Variants in MYRIP observed in about 807,000 individuals in gnomAD.
The protein encoded by MYRIP is rab effector MyRIP.
A neutral mutation model predicts 98.0 loss-of-function variants in MYRIP; 49 were observed. The ratio of observed to expected loss-of-function variants is 0.50; its 90% CI spans 0.40 to 0.63. MYRIP has a LOEUF of 0.63. MYRIP is among the 30% of genes least tolerant of loss of function. The pLI is 0.00. For synonymous variants in MYRIP, 404 were observed against 409.5 expected (o/e 0.99, Z 0.16); for missense variants, 1,004 against 1,058.2 (o/e 0.95, Z 0.71).
rs183589904 is a variant in MYRIP, at chr3:39,958,260, G to A, written c.110+57334G>A. On this transcript the variant is annotated intron_variant, in intron 2 of 16. Transcript: ENST00000302541. ...AAAAGAACAAAGCTGGAGGCATCACGCTACCTGACTTCAAACTATACTACA... is the reference window on the plus strand; with the variant it reads ...AAAAGAACAAAGCTGGAGGCATCACACTACCTGACTTCAAACTATACTACA... 2.0e-4 allele frequency among the ~76,000 whole-genome samples: 30 copies of A among 152,158 alleles called. No individual in the cohort carries two copies. In the South Asian group the frequency reaches 3.7e-3, roughly 19 times the overall value.
intron 3 of MYRIP, among the ~76,000 whole-genome samples, chr3:40,092,427 T>C (rs1948749816): frequency 6.6e-6 from 1 of 152,116 alleles, no homozygotes. Flanking sequence ...CCAGGTGAAC[T>C]TTGTCTTCAC....
intron 2 of MYRIP, among the ~76,000 whole-genome samples, chr3:39,996,891 G>A (rs1378078813): frequency 6.6e-6 from 1 of 152,130 alleles, no homozygotes; most frequent in African/African-American, 2.4e-5. Context: ...ACTCAAAACT[G>A]CTCAACTACA....
rs116229687 is a variant in MYRIP, at chr3:39,894,166, T to C, written c.-30-6621T>C. Among the ~76,000 whole-genome samples the C allele has an allele frequency of 9.2e-3, 1,407 of 152,358 alleles. 27 individuals carry two copies. The highest frequency in any genetic ancestry group is 0.032 in the African/African-American group (1,330 of 41,592). The stretch of plus-strand genomic sequence containing the variant: ...TCATACTATATTATTTTACTTCTTA[T>C]TGAGCCATGACATGCATGTAAATGC... On this transcript the variant is annotated intron_variant, in intron 1 of 16. Transcript: ENST00000302541.
At chr3:40,145,634 T>G (rs1483306408) in intron 3 of MYRIP, among the ~76,000 whole-genome samples, 10 of 152,232 alleles carry the variant, frequency 6.6e-5, no homozygotes, top group Admixed American at 4.6e-4. Context: ...TGTAAATTGG[T>G]GCAAGCTTTC....
intron 3 of MYRIP, among the ~76,000 whole-genome samples, chr3:40,114,683 A>G (rs576032163): frequency 6.6e-6 from 1 of 152,360 alleles, no homozygotes; most frequent in South Asian, 2.1e-4. Flanking sequence ...GTAAATGCAA[A>G]TTAACAAAGT....
rs531869476 is a variant in MYRIP, at chr3:40,155,454, G to A, written c.469+4270G>A. 3.9e-5 allele frequency among the ~76,000 whole-genome samples: 6 copies of A among 152,188 alleles called. No homozygotes were observed. The East Asian group carries it at 1.2e-3, about 29-fold the overall frequency. On this transcript the variant is annotated intron_variant, in intron 4 of 16. Transcript: ENST00000302541. ...GTGAATAATGCCGCACTAAACATAC[G>A]TGTGCATGTGTCTTTATAGCAACAT...
At chr3:40,113,665 T>C (rs532408886) in intron 3 of MYRIP, among the ~76,000 whole-genome samples, 183 of 152,254 alleles carry the variant, frequency 1.2e-3, no homozygotes, top group African/African-American at 4.1e-3. Flanking sequence ...CTTAGAAGAA[T>C]ATATGGGAGA....
chr3:40,258,078 C>G, intron 16 of MYRIP, 56 bp from the exon 17 acceptor site: 9 of 1,591,114 alleles, frequency 5.7e-6, no homozygotes, highest in South Asian at 1.1e-5. Flanking sequence ...TTTTTCATTG[C>G]TTCTTCTCAC....
At chr3:39,994,820 G>A (rs1011174479) in intron 2 of MYRIP, among the ~76,000 whole-genome samples, 1 of 152,108 alleles carries the variant, frequency 6.6e-6, no homozygotes, top group Non-Finnish European at 1.5e-5. Flanking sequence ...CACACGACTG[G>A]GTACTCCTCT....
intron 2 of MYRIP, among the ~76,000 whole-genome samples, chr3:39,998,367 A>T (rs984943545): frequency 6.6e-6 from 1 of 152,222 alleles, no homozygotes; most frequent in African/African-American, 2.4e-5. Flanking sequence ...CAAAAATCAC[A>T]AGCATTCTTA....
chr3:40,082,804 C>T (rs1241990125), intron 3 of MYRIP, among the ~76,000 whole-genome samples: 3 of 152,134 alleles, frequency 2.0e-5, no homozygotes, highest in Admixed American at 6.5e-5. Context: ...TTTTTCATCT[C>T]GATGCTCATG....
At chr3:40,248,312 G>C (rs558790676) in intron 13 of MYRIP, 1 of 152,342 alleles carries the variant, frequency 6.6e-6, no homozygotes, top group Non-Finnish European at 1.5e-5. Context: ...AGTTCCTGGA[G>C]AAAGCTTCTC....
chr3:39,932,281 A>G (rs548503472), intron 2 of MYRIP, among the ~76,000 whole-genome samples: 1 of 152,336 alleles, frequency 6.6e-6, no homozygotes, highest in Non-Finnish European at 1.5e-5. Context: ...TTAAAGCGAC[A>G]TCATAGAAAA....
intron 1 of MYRIP, among the ~76,000 whole-genome samples, chr3:39,866,728 T>C (rs985799954): frequency 2.6e-5 from 4 of 152,170 alleles, no homozygotes; most frequent in African/African-American, 9.7e-5. Context: ...TTGGAAGAAT[T>C]AATGTTGTAA....
intron 1 of MYRIP, among the ~76,000 whole-genome samples, chr3:39,813,548 T>C (rs1157193485): frequency 6.7e-6 from 1 of 148,422 alleles, no homozygotes; most frequent in Non-Finnish European, 1.5e-5. Flanking sequence ...AGTTACACAC[T>C]CTAAGTTTAC....
At chr3:39,972,596 G>A (rs551611991) in intron 2 of MYRIP, among the ~76,000 whole-genome samples, 1 of 151,984 alleles carries the variant, frequency 6.6e-6, no homozygotes, top group East Asian at 1.9e-4. Context: ...CTGTTATTTC[G>A]ACATTTTGTA....
chr3:40,162,016 G>C (rs1950406424), intron 4 of MYRIP, among the ~76,000 whole-genome samples: 1 of 152,070 alleles, frequency 6.6e-6, no homozygotes, highest in Non-Finnish European at 1.5e-5. Flanking sequence ...TAGGCCTTCA[G>C]ATACACCTTT....
At chr3:40,006,001 A>T (rs1198249771) in intron 2 of MYRIP, among the ~76,000 whole-genome samples, 2 of 152,204 alleles carry the variant, frequency 1.3e-5, no homozygotes, top group Non-Finnish European at 2.9e-5. Flanking sequence ...AATGGAATTT[A>T]GCTGAGTTAA....
intron 11 of MYRIP, among the ~76,000 whole-genome samples, chr3:40,216,838 C>T (rs1488731531): frequency 1.3e-5 from 2 of 152,082 alleles, no homozygotes; most frequent in African/African-American, 4.8e-5. Flanking sequence ...ATCAAAAACA[C>T]TATGAACATC....
Sources: allele counts gnomAD v4.1 joint callset (sites outside exome capture counted in the v4.1 genomes callset), GRCh38; gene constraint gnomAD v4.1.1; transcripts MANE v1.5; gene names NCBI Gene and HGNC (gene_info 2026-07-23, HGNC 2026-07-21).